PLEKHA2: variants seen among roughly 807,000 people sequenced by gnomAD.
PLEKHA2 encodes the protein pleckstrin homology domain containing A2.
A neutral mutation model predicts 53.2 loss-of-function variants in PLEKHA2; 28 were observed. That is an observed-to-expected ratio of 0.53 (90% confidence interval 0.39 to 0.72). PLEKHA2 has a LOEUF of 0.72. Ranked by LOEUF, PLEKHA2 falls within the 30% of genes least tolerant of loss-of-function variation. The probability of loss-of-function intolerance (pLI) is 0.00; values close to 1 mark genes in which losing one functional copy is unlikely to be tolerated. For missense variants in PLEKHA2, 426 were observed against 537.9 expected, an observed-to-expected ratio of 0.79 and a Z score of 2.06; for synonymous variants, 193 against 196.4, an observed-to-expected ratio of 0.98 and a Z score of 0.14.
chr8:38,916,573 A>G (rs1440819852), intron 1 of PLEKHA2, among the ~76,000 whole-genome samples: 2 of 152,168 alleles, frequency 1.3e-5, no homozygotes, highest in Non-Finnish European at 2.9e-5. Context: ...CCCCAGTTCC[A>G]TCCATGTTGT....
intron 5 of PLEKHA2, among the ~76,000 whole-genome samples, chr8:38,946,660 C>T (rs1050032032): frequency 3.3e-5 from 5 of 152,140 alleles, no homozygotes; most frequent in African/African-American, 9.7e-5. Context: ...CCAAGCCATC[C>T]GCCTCCCTGT....
chr8:38,916,951 G>T (rs529695782), intron 1 of PLEKHA2, among the ~76,000 whole-genome samples: 1 of 152,162 alleles, frequency 6.6e-6, no homozygotes, highest in African/African-American at 2.4e-5. Context: ...CCTGTCTTTT[G>T]GATAAAAGCC....
At chr8:38,932,782 G>T (rs1834417349) in intron 2 of PLEKHA2, among the ~76,000 whole-genome samples, 1 of 152,238 alleles carries the variant, frequency 6.6e-6, no homozygotes, top group Admixed American at 6.5e-5. Flanking sequence ...TCCCCTGGAT[G>T]GGGAGGAAGG....
At chr8:38,965,763 G>T (rs186809217) in intron 10 of PLEKHA2, among the ~76,000 whole-genome samples, 1 of 152,126 alleles carries the variant, frequency 6.6e-6, no homozygotes, top group Non-Finnish European at 1.5e-5. Context: ...AAATGGTGGC[G>T]TTTAAGGCTT....
At chr8:38,947,880 A>G (rs1052359804) in intron 5 of PLEKHA2, among the ~76,000 whole-genome samples, 3 of 151,924 alleles carry the variant, frequency 2.0e-5, no homozygotes, top group Non-Finnish European at 4.4e-5. Context: ...CAAGGTCAGG[A>G]GTTCGAGACC....
intron 1 of PLEKHA2, among the ~76,000 whole-genome samples, chr8:38,916,597 A>C (rs1371572780): frequency 1.3e-5 from 2 of 152,118 alleles, no homozygotes; most frequent in African/African-American, 2.4e-5. Flanking sequence ...AAATGACAGG[A>C]TCTTACTCTT....
At chr8:38,960,110 G>A (rs1208300966) in intron 10 of PLEKHA2, among the ~76,000 whole-genome samples, 2 of 152,196 alleles carry the variant, frequency 1.3e-5, no homozygotes, top group Non-Finnish European at 2.9e-5. Context: ...ATCTACATGA[G>A]TGTATGCACA....
intron 10 of PLEKHA2, among the ~76,000 whole-genome samples, chr8:38,967,444 G>T (rs1445829790): frequency 6.6e-6 from 1 of 152,094 alleles, no homozygotes; most frequent in African/African-American, 2.4e-5. Context: ...TTTCCATAAA[G>T]GTTGTACTAA....
intron 11 of PLEKHA2, chr8:38,969,118 C>T (rs1457644278): frequency 2.7e-6 from 1 of 377,356 alleles, no homozygotes; most frequent in Non-Finnish European, 4.8e-6. Context: ...CTAGGCTGAT[C>T]TCAAACTCCT....
intron 10 of PLEKHA2, among the ~76,000 whole-genome samples, chr8:38,959,793 G>T (rs900211079): frequency 6.6e-6 from 1 of 152,214 alleles, no homozygotes; most frequent in Non-Finnish European, 1.5e-5. Context: ...GGACAGGTAT[G>T]CCCGGATGTT....
chr8:38,907,760 C>CAAAA (rs10639555), intron 1 of PLEKHA2, among the ~76,000 whole-genome samples: 3 of 140,688 alleles, frequency 2.1e-5, no homozygotes, highest in African/African-American at 7.9e-5. Flanking sequence ...GACCATATCT[C>CAAAA]AAAAAAAAAA....
chr8:38,942,338 G>A (rs1400093225), intron 3 of PLEKHA2, among the ~76,000 whole-genome samples: 1 of 152,178 alleles, frequency 6.6e-6, no homozygotes, highest in Non-Finnish European at 1.5e-5. Flanking sequence ...GAGAAGTCGA[G>A]GCTGCAGTGA....
In PLEKHA2 at chr8:38,968,580, G is replaced by T; in HGVS notation, c.838-12G>T. 9 of 1,613,816 alleles carry T rather than the reference G, an allele frequency of 5.6e-6. No individual in the cohort carries two copies. Among genetic ancestry groups the T allele is most frequent in the Non-Finnish European group, 7.6e-6 (9 of 1,179,782 alleles). On this transcript the variant is annotated splice_polypyrimidine_tract_variant and intron_variant, in intron 10 of 11. Coordinates refer to ENST00000617275, the MANE Select transcript of PLEKHA2 (RefSeq NM_021623.2). ...CTAAAATTTCTTGGTAAGAGCCATG[G>T]ATGTTTTGCAGGCAGACAGTCCAGA...
intron 2 of PLEKHA2, among the ~76,000 whole-genome samples, chr8:38,929,389 T>C (rs1325777834): frequency 4.6e-5 from 7 of 152,242 alleles, no homozygotes; most frequent in Non-Finnish European, 7.3e-5. Context: ...CTGGGCCTCT[T>C]TTGGTGTAAC....
chr8:38,958,536 C>G (rs4733957), intron 10 of PLEKHA2, among the ~76,000 whole-genome samples: 62,308 of 151,900 alleles, frequency 0.41, 12,974 homozygotes, highest in Middle Eastern at 0.5. Flanking sequence ...CTCCTTCCGC[C>G]GAGCCCAGCA....
intron 1 of PLEKHA2, among the ~76,000 whole-genome samples, chr8:38,910,809 A>G (rs1833943132): frequency 1.3e-5 from 2 of 152,226 alleles, no homozygotes. Flanking sequence ...GGTTATGTAA[A>G]TTATAGTAAA....
chr8:38,909,959 C>CTTTTTTT (rs71216695), intron 1 of PLEKHA2, among the ~76,000 whole-genome samples: 1 of 141,544 alleles, frequency 7.1e-6, no homozygotes, highest in South Asian at 2.2e-4. Flanking sequence ...CATTAAAATA[C>CTTTTTTT]TTTTTTTTTT....
chr8:38,918,910 G>A (rs1241060127), intron 2 of PLEKHA2, among the ~76,000 whole-genome samples: 3 of 152,220 alleles, frequency 2.0e-5, no homozygotes, highest in African/African-American at 7.2e-5. Flanking sequence ...GCAGACACCA[G>A]CCAGGATCTG....
At chr8:38,920,861 C>T (rs1327680026) in intron 2 of PLEKHA2, among the ~76,000 whole-genome samples, 5 of 151,718 alleles carry the variant, frequency 3.3e-5, no homozygotes, top group East Asian at 3.9e-4. Flanking sequence ...AGTGCAATGG[C>T]GCGATCTCAG....
Sources: allele counts gnomAD v4.1 joint callset (sites outside exome capture counted in the v4.1 genomes callset), GRCh38; gene constraint gnomAD v4.1.1; transcripts MANE v1.5; gene names NCBI Gene and HGNC (gene_info 2026-07-23, HGNC 2026-07-21).